AIDA: variants seen among roughly 807,000 people sequenced by gnomAD.
AIDA encodes axin interactor, dorsalization-associated protein.
In AIDA, 18 loss-of-function variants were observed where a neutral mutation model predicts 42.7. That is an observed-to-expected ratio of 0.42 (90% confidence interval 0.29 to 0.63). The LOEUF is 0.63. AIDA is among the 20% of genes least tolerant of loss of function. The pLI, the probability that AIDA is intolerant of heterozygous loss-of-function variation, is 0.19. For synonymous variants in AIDA, 104 were observed against 122.9 expected, an observed-to-expected ratio of 0.85 and a Z score of 1.02; for missense variants, 250 against 354.1, an observed-to-expected ratio of 0.71 and a Z score of 2.36.
chr1:222,697,409 T>A (rs1655552546), intron 2 of AIDA, among the ~76,000 whole-genome samples: 1 of 133,218 alleles, frequency 7.5e-6, no homozygotes, highest in African/African-American at 2.5e-5. Context: ...TGTATTGATA[T>A]CAAAATCAAG....
chr1:222,702,444 G>A (rs567556244), intron 2 of AIDA, among the ~76,000 whole-genome samples: 8 of 151,854 alleles, frequency 5.3e-5, no homozygotes, highest in African/African-American at 1.7e-4. Context: ...AAGAGATAAT[G>A]GGAGTTGTTT....
chr1:222,686,523 T>C (rs1376985416), intron 6 of AIDA, among the ~76,000 whole-genome samples: 1 of 152,212 alleles, frequency 6.6e-6, no homozygotes, highest in African/African-American at 2.4e-5. Flanking sequence ...TCACAACTTG[T>C]TGAATGGGAA....
At chr1:222,698,742 C>A (rs1655591543) in intron 2 of AIDA, among the ~76,000 whole-genome samples, 1 of 152,120 alleles carries the variant, frequency 6.6e-6, no homozygotes, top group Non-Finnish European at 1.5e-5. Flanking sequence ...TGAGCCACCA[C>A]GCCTGGCCCA....
At chr1:222,693,898 C>G in intron 3 of AIDA, 55 bp from the exon 4 acceptor site, 1 of 1,387,882 alleles carries the variant, frequency 7.2e-7, no homozygotes, top group Non-Finnish European at 1.0e-6. Context: ...TCACTGCACC[C>G]TGTCTTTTAA....
At position 222,669,670 on chromosome 1, in the gene AIDA, T is replaced by C. The variant is rs1022343478; in HGVS notation, c.*223A>G. 9.7e-5 allele frequency: 47 copies of C among 482,188 alleles called. No individual in the cohort carries two copies. Among genetic ancestry groups the C allele is most frequent in the Non-Finnish European group, 1.4e-4 (36 of 266,102 alleles). The allele number at this position is 482,188 out of a possible 1,614,324, so 29.9% of individuals were successfully genotyped here. Reference sequence around the variant, plus strand: ...AATTAATAGAAAAGTAAAAACATGTTTCAAAATCTACAATAAACCTGTATC... The same window carrying C: ...AATTAATAGAAAAGTAAAAACATGTCTCAAAATCTACAATAAACCTGTATC... On this transcript the variant is annotated 3_prime_UTR_variant, in exon 10 of 10. Transcript: ENST00000340020.
At chr1:222,688,552 T>TTTTTTA (rs1202517202) in intron 4 of AIDA, among the ~76,000 whole-genome samples, 1 of 152,096 alleles carries the variant, frequency 6.6e-6, no homozygotes, top group Non-Finnish European at 1.5e-5. Context: ...CTTACTACAT[T>TTTTTTA]TTTTGTCATT....
In AIDA at chr1:222,670,347, G is replaced by A. The variant is rs562721894; in HGVS notation, c.707-97C>T. 4.2e-6 allele frequency: 4 copies of A among 950,636 alleles called. No homozygotes were observed. In the African/African-American group the frequency reaches 6.6e-5, roughly 16 times the overall value. 58.9% of individuals were successfully genotyped at this position (950,636 alleles called of 1,614,324 possible). A position where few individuals can be genotyped will look rare whatever the true frequency, so the allele number is the denominator to read the frequency against. On this transcript the variant is annotated intron_variant, in intron 8 of 9. Transcript: ENST00000340020. ...CACCAGAAGCATATGAACAGCTACA[G>A]CTGGCATAATTTGACAAAACAACTT... is the stretch of plus-strand genomic sequence containing the variant.
Position 222,694,882 on chromosome 1 carries a change from A to G in AIDA, c.181-619T>C, listed in dbSNP as rs1272043146. ...AGAATCACTATAAAATAAAGCAGAC[A>G]TTTGATTGTATGAACTTTAGCAAGG... On this transcript the variant is annotated intron_variant, in intron 2 of 9. Transcript: ENST00000340020. Among the ~76,000 whole-genome samples, 3 of 152,234 alleles carry G rather than the reference A, an allele frequency of 2.0e-5. No homozygotes were observed. The East Asian group carries it at 5.8e-4, about 29-fold the overall frequency.
chr1:222,705,370 C>A (rs1027006179), intron 1 of AIDA, among the ~76,000 whole-genome samples: 3 of 152,198 alleles, frequency 2.0e-5, no homozygotes, highest in Admixed American at 1.3e-4. Context: ...CCCGAGTAAT[C>A]TATACACTGT....
chr1:222,708,648 G>A (rs1195454117), intron 1 of AIDA, among the ~76,000 whole-genome samples: 2 of 151,974 alleles, frequency 1.3e-5, no homozygotes, highest in East Asian at 1.9e-4. Context: ...GATGACAGCC[G>A]TGAGCCACCA....
intron 3 of AIDA, among the ~76,000 whole-genome samples, 160 bp from the exon 4 acceptor site, chr1:222,694,003 C>T (rs550896894): frequency 1.3e-5 from 2 of 152,116 alleles, no homozygotes; most frequent in South Asian, 4.1e-4. Flanking sequence ...TTTTGGAACA[C>T]TCAGGCCAAA....
chr1:222,673,656 T>C (rs1664490557), intron 7 of AIDA, among the ~76,000 whole-genome samples: 1 of 151,988 alleles, frequency 6.6e-6, no homozygotes, highest in African/African-American at 2.4e-5. Flanking sequence ...CGGGCGCCTA[T>C]AGTCCCAGCT....
intron 6 of AIDA, among the ~76,000 whole-genome samples, chr1:222,678,936 G>A (rs1172800118): frequency 6.6e-6 from 1 of 151,970 alleles, no homozygotes; most frequent in Non-Finnish European, 1.5e-5. Context: ...TTTTGGCTCT[G>A]TCTTACATGG....
At chr1:222,671,134 G>A (rs74711336) in intron 8 of AIDA, among the ~76,000 whole-genome samples, 13,936 of 152,060 alleles carry the variant, frequency 0.092, 1,185 homozygotes, top group East Asian at 0.27. Flanking sequence ...GGCTGAGTTG[G>A]TAGGACTGCC....
chr1:222,697,035 C>T (rs549297548), intron 2 of AIDA, among the ~76,000 whole-genome samples: 1 of 152,148 alleles, frequency 6.6e-6, no homozygotes, highest in African/African-American at 2.4e-5. Context: ...CTCCGCCTCC[C>T]AGGCTCAAGC....
At chr1:222,683,695 C>G (rs1355418737) in intron 6 of AIDA, among the ~76,000 whole-genome samples, 1 of 152,064 alleles carries the variant, frequency 6.6e-6, no homozygotes, top group East Asian at 1.9e-4. Context: ...CATTTTATAG[C>G]TTTACTATTC....
intron 4 of AIDA, among the ~76,000 whole-genome samples, chr1:222,689,312 C>A (rs999753283): frequency 2.0e-5 from 3 of 150,442 alleles, no homozygotes; most frequent in African/African-American, 7.3e-5. Flanking sequence ...TGGTGGCACA[C>A]GCCTGTAATT....
intron 8 of AIDA, among the ~76,000 whole-genome samples, chr1:222,672,388 GTTAT>G (rs2124947339): frequency 6.6e-6 from 1 of 152,274 alleles, no homozygotes; most frequent in South Asian, 2.1e-4. Flanking sequence ...TTTCTTCAAC[GTTAT>G]TTATTAAGCA....
At chr1:222,702,975 T>G (rs1381464662) in intron 2 of AIDA, among the ~76,000 whole-genome samples, 173 bp downstream of exon 2, 1 of 152,272 alleles carries the variant, frequency 6.6e-6, no homozygotes, top group Non-Finnish European at 1.5e-5. Context: ...AGTCATATGG[T>G]ATCTCTAAAT....
Sources: allele counts gnomAD v4.1 joint callset (sites outside exome capture counted in the v4.1 genomes callset), GRCh38; gene constraint gnomAD v4.1.1; transcripts MANE v1.5; gene names NCBI Gene and HGNC (gene_info 2026-07-23, HGNC 2026-07-21).